The following DST variants were observed in gnomAD, a reference collection of about 807,000 sequenced individuals.
The protein encoded by DST is bullous pemphigoid antigen.
DST carries 253 observed loss-of-function variants against 875.2 expected under a neutral mutation model. That is an observed-to-expected ratio of 0.29 (90% CI 0.26 to 0.32). DST has a LOEUF of 0.32. DST is among the 10% of genes least tolerant of loss of function. The probability of loss-of-function intolerance (pLI) is 1.00; values close to 1 mark genes in which losing one functional copy is unlikely to be tolerated. For missense variants in DST, 8,287 were observed against 9,111.6 expected (o/e 0.91, Z 3.68); for synonymous variants, 3,124 against 3,197.1 (o/e 0.98, Z 0.77).
At chr6:56,626,953 A>G (rs1035440584) in intron 34 of DST, among the ~76,000 whole-genome samples, 2 of 152,078 alleles carry the variant, frequency 1.3e-5, no homozygotes, top group Non-Finnish European at 2.9e-5. Context: ...AGTGATAAGA[A>G]ACCAACTACA....
chr6:56,737,887 T>A (rs1433880670), intron 4 of DST, among the ~76,000 whole-genome samples: 5 of 152,204 alleles, frequency 3.3e-5, no homozygotes, highest in Admixed American at 3.3e-4. Flanking sequence ...TCAGAGTGCT[T>A]ACAATAGGAA....
intron 4 of DST, among the ~76,000 whole-genome samples, chr6:56,832,522 T>G (rs1198293459): frequency 6.6e-6 from 1 of 151,946 alleles, no homozygotes; most frequent in African/African-American, 2.4e-5. Flanking sequence ...GAACTGTAAG[T>G]CCAACCTCTT....
chr6:56,680,113 C>G (rs1009684678), intron 9 of DST, among the ~76,000 whole-genome samples: 1 of 152,164 alleles, frequency 6.6e-6, no homozygotes, highest in Non-Finnish European at 1.5e-5. Context: ...TTAACACCAT[C>G]TCTCTCCCAT....
At chr6:56,681,194 C>T (rs1417701332) in intron 9 of DST, among the ~76,000 whole-genome samples, 2 of 152,046 alleles carry the variant, frequency 1.3e-5, no homozygotes, top group Non-Finnish European at 2.9e-5. Flanking sequence ...GAGAATGGCC[C>T]CACCATTTAC....
intron 4 of DST, among the ~76,000 whole-genome samples, chr6:56,830,481 G>A (rs1242659058): frequency 6.6e-6 from 1 of 152,094 alleles, no homozygotes; most frequent in African/African-American, 2.4e-5. Context: ...CCAAGTATAT[G>A]TCATAAGTTT....
At chr6:56,754,194 T>C (rs944944210) in intron 4 of DST, among the ~76,000 whole-genome samples, 1 of 152,226 alleles carries the variant, frequency 6.6e-6, no homozygotes, top group Non-Finnish European at 1.5e-5. Flanking sequence ...GTAACTTATT[T>C]ATAAAGTACA....
Position 56,608,625 on chromosome 6 carries a change from A to G in DST, c.6003T>C (p.Ser2001=). ...CTTCTTCAACAGTCATTCTTTGGCC[A>G]GAGTTGGAATTGATCAGACCTCCAG... ...LLSGGLINSN[S]GQRMTVEEAV... The change falls in exon 40 of 104, where the codon TCT becomes TCC. Residue 2001 remains serine, a synonymous_variant. Coordinates refer to ENST00000680361, the MANE Select transcript of DST (RefSeq NM_001374736.1). The G allele has an allele frequency of 6.2e-7, 1 of 1,613,394 alleles. No individual in the cohort carries two copies. The highest frequency in any genetic ancestry group is 8.5e-7 in the Non-Finnish European group (1 of 1,179,640).
chr6:56,515,898 A>C (rs1193063055), intron 71 of DST, among the ~76,000 whole-genome samples: 1 of 152,100 alleles, frequency 6.6e-6, no homozygotes. Flanking sequence ...ATCTCCAAAA[A>C]CAATACACAC....
chr6:56,904,754 G>T (rs1464444303), intron 2 of DST, among the ~76,000 whole-genome samples: 2 of 152,218 alleles, frequency 1.3e-5, no homozygotes, highest in South Asian at 4.2e-4. Context: ...GCTTGAAACA[G>T]TAGGTGGTGC....
intron 2 of DST, among the ~76,000 whole-genome samples, chr6:56,944,074 G>A (rs6907143): frequency 0.87 from 132,121 of 152,096 alleles, 57,562 homozygotes; most frequent in East Asian, 1. Flanking sequence ...CTGAGATCAC[G>A]CCACTGTACT....
chr6:56,954,379 C>G (rs371602025), intron 1 of DST, 28 bp downstream of exon 1: 4 of 1,353,208 alleles, frequency 3.0e-6, no homozygotes, highest in Non-Finnish European at 3.9e-6. Flanking sequence ...CCTGGTAGCC[C>G]GCAGAAACCC....
At position 56,607,162 on chromosome 6, in the gene DST, T is replaced by C. The variant is rs765376057; in HGVS notation, c.7466A>G (p.Gln2489Arg). The C allele has an allele frequency of 6.2e-6, 10 of 1,613,408 alleles. No individual in the cohort carries two copies. Among genetic ancestry groups the C allele is most frequent in the Non-Finnish European group, 8.5e-6 (10 of 1,179,604 alleles). The change falls in exon 40 of 104, where the codon CAG (glutamine) becomes CGG (arginine). Residue 2489 changes from glutamine (Q) to arginine (R), a missense_variant. By Grantham distance (43) the Gln-to-Arg change is conservative. Transcript: ENST00000680361. ...GQRIGEKFQD[Q>R]FLGIAAINIS... ...GTTAATAGCTGCAATTCCCAGAAAC[T>C]GGTCTTGAAATTTTTCTCCTATTCT... is the stretch of plus-strand genomic sequence containing the variant.
At chr6:56,501,056 T>G in intron 80 of DST, 24 bp downstream of exon 80, 1 of 1,606,468 alleles carries the variant, frequency 6.2e-7, no homozygotes, top group Non-Finnish European at 8.5e-7. Context: ...AGAAGAAACA[T>G]AACATGCATT....
Position 56,569,432 on chromosome 6 carries a change from C to T in DST, c.13878+424G>A, listed in dbSNP as rs553097692. ...AAGCCTTGAGTCAGAAGACAAAAGA[C>T]TTGTGCACTATTTATGCAGGAGATT... On this transcript the variant is annotated intron_variant, in intron 54 of 103. Transcript: ENST00000680361. Among the ~76,000 whole-genome samples the T allele has an allele frequency of 5.2e-4, 79 of 151,594 alleles. 1 individual carries two copies. In the Middle Eastern group the frequency reaches 0.014, roughly 26 times the overall value.
At chr6:56,712,147 C>T (rs568546508) in intron 5 of DST, among the ~76,000 whole-genome samples, 7 of 151,768 alleles carry the variant, frequency 4.6e-5, no homozygotes, top group Admixed American at 3.9e-4. Flanking sequence ...ATGCTTCTTT[C>T]CAGTATTCTG....
In DST at chr6:56,731,588, A is replaced by C. The variant is rs902812712; in HGVS notation, c.687+3640T>G. Among the ~76,000 whole-genome samples the C allele has an allele frequency of 3.3e-5, 5 of 152,330 alleles. No homozygotes were observed. The East Asian group carries it at 9.6e-4, about 29-fold the overall frequency. ...GGTTTTACCTCTTCCTACTCAGTGA[A>C]ACCATCAATAAGAGATTGATGTGTT... On this transcript the variant is annotated intron_variant, in intron 5 of 103. Transcript: ENST00000680361.
chr6:56,871,776 TAAAAAAA>T (rs746142378), intron 3 of DST: 2,702 of 95,520 alleles, frequency 0.028, 80 homozygotes, highest in African/African-American at 0.11. Flanking sequence ...CAATTAAAAG[TAAAAAAA>T]AAAAAAAAAA....
At chr6:56,668,020 C>T (rs1446298457) in intron 10 of DST, among the ~76,000 whole-genome samples, 1 of 152,114 alleles carries the variant, frequency 6.6e-6, no homozygotes, top group African/African-American at 2.4e-5. Context: ...CCGGCCTCAT[C>T]CTCCCTGCCA....
intron 95 of DST, among the ~76,000 whole-genome samples, chr6:56,470,756 ACTTC>A (rs1053930349): frequency 2.0e-4 from 30 of 149,096 alleles, no homozygotes; most frequent in African/African-American, 7.4e-4. Context: ...GAATTTATTG[ACTTC>A]CTATTACACA....
Sources: allele counts gnomAD v4.1 joint callset (sites outside exome capture counted in the v4.1 genomes callset), GRCh38; gene constraint gnomAD v4.1.1; transcripts MANE v1.5; gene names NCBI Gene and HGNC (gene_info 2026-07-23, HGNC 2026-07-21).